Variants in BICC1 observed in about 807,000 individuals in gnomAD.
BICC1 encodes protein bicaudal C homolog 1.
A neutral mutation model predicts 111.0 loss-of-function variants in BICC1; 43 were observed. The ratio of observed to expected loss-of-function variants is 0.39; its 90% CI spans 0.30 to 0.50. The LOEUF is 0.50. Among genes scored for constraint, BICC1 ranks in the 20% least tolerant of loss-of-function variants. BICC1 has a pLI of 0.88. For synonymous variants in BICC1, 467 were observed against 434.4 expected (o/e 1.07, Z -0.93); for missense variants, 1,091 against 1,203.2 (o/e 0.91, Z 1.38).
Position 58,816,153 on chromosome 10 carries a change from A to C in BICC1, c.2534-1409A>C, listed in dbSNP as rs903798668. Among the ~76,000 whole-genome samples the C allele has an allele frequency of 7.0e-4, 106 of 152,166 alleles. 2 individuals carry two copies. The highest frequency in any genetic ancestry group is 1.6e-4 in the Non-Finnish European group (11 of 68,024). On this transcript the variant is annotated intron_variant, in intron 18 of 20. Transcript: ENST00000373886. ...AAATCTATCATTTGGACCATAAATTATATGGGCAGCCTTTCAGCCACTTTG... is the reference window on the plus strand; with the variant it reads ...AAATCTATCATTTGGACCATAAATTCTATGGGCAGCCTTTCAGCCACTTTG...
chr10:58,513,401 C>T, intron 1 of BICC1, 68 bp downstream of exon 1: 11 of 1,378,860 alleles, frequency 8.0e-6, no homozygotes, highest in Non-Finnish European at 9.6e-6. Flanking sequence ...ATCCCCACCG[C>T]GCGCTCCGGC....
At position 58,777,838 on chromosome 10, in the gene BICC1, A is replaced by G. The variant is rs556289754; in HGVS notation, c.308-7163A>G. Among the ~76,000 whole-genome samples the G allele has an allele frequency of 2.0e-5, 3 of 152,306 alleles. No individual in the cohort carries two copies. The East Asian group carries it at 5.8e-4, about 29-fold the overall frequency. On this transcript the variant is annotated intron_variant, in intron 3 of 20. Transcript: ENST00000373886. ...AATCTCATGAAAATTAGGTTTTTGA[A>G]TTTAAAATACATTTGTTTTTGCACT...
At chr10:58,579,580 T>G (rs547162970) in intron 1 of BICC1, among the ~76,000 whole-genome samples, 5 of 152,184 alleles carry the variant, frequency 3.3e-5, no homozygotes, top group African/African-American at 1.2e-4. Flanking sequence ...GCAGAGAAAT[T>G]TGGGGCTCTC....
intron 1 of BICC1, among the ~76,000 whole-genome samples, chr10:58,557,278 T>C (rs1214773883): frequency 6.6e-6 from 1 of 152,006 alleles, no homozygotes; most frequent in Non-Finnish European, 1.5e-5. Flanking sequence ...GTATTTTTTT[T>C]CTCTAGCTGT....
intron 3 of BICC1, among the ~76,000 whole-genome samples, chr10:58,752,751 C>T (rs1480906954): frequency 6.6e-6 from 1 of 152,164 alleles, no homozygotes; most frequent in Non-Finnish European, 1.5e-5. Context: ...TTTGGGTATA[C>T]AGCATTTACT....
At chr10:58,754,072 A>C (rs910008791) in intron 3 of BICC1, among the ~76,000 whole-genome samples, 1 of 152,186 alleles carries the variant, frequency 6.6e-6, no homozygotes, top group African/African-American at 2.4e-5. Flanking sequence ...CAGCCTAAAA[A>C]CAGCATACTG....
intron 1 of BICC1, among the ~76,000 whole-genome samples, chr10:58,610,602 A>ATC (rs1384783908): frequency 6.7e-6 from 1 of 148,652 alleles, no homozygotes; most frequent in Non-Finnish European, 1.5e-5. Flanking sequence ...GCCATGGATA[A>ATC]TCTATCTAGC....
chr10:58,777,584 A>G (rs1224103048), intron 3 of BICC1, among the ~76,000 whole-genome samples: 1 of 152,130 alleles, frequency 6.6e-6, no homozygotes, highest in African/African-American at 2.4e-5. Context: ...TACTGTAGCG[A>G]TGAGGGCACC....
chr10:58,813,817 T>G lies in BICC1; in HGVS notation c.2377-13T>G, dbSNP rs1386946121. ...GATTAAATATTTCCTTATCTGGCTT[T>G]GTCTGTTTACAGGGCTCATCCATGT... is the stretch of plus-strand genomic sequence containing the variant. On this transcript the variant is annotated splice_polypyrimidine_tract_variant and intron_variant, in intron 17 of 20. Transcript: ENST00000373886. The G allele has an allele frequency of 1.4e-5, 22 of 1,611,410 alleles. No individual in the cohort carries two copies. In the East Asian group the frequency reaches 4.5e-4, roughly 33 times the overall value.
At chr10:58,573,125 C>T (rs989452646) in intron 1 of BICC1, among the ~76,000 whole-genome samples, 7 of 152,104 alleles carry the variant, frequency 4.6e-5, no homozygotes, top group African/African-American at 1.7e-4. Flanking sequence ...TTGGCTCTCT[C>T]CCATTCTGCC....
At chr10:58,688,528 G>A (rs1238966273) in intron 2 of BICC1, among the ~76,000 whole-genome samples, 2 of 152,088 alleles carry the variant, frequency 1.3e-5, no homozygotes, top group Non-Finnish European at 1.5e-5. Flanking sequence ...TCTCATTACT[G>A]GGTATATACC....
At position 58,686,224 on chromosome 10, in the gene BICC1, C is replaced by T. The variant is rs189319425; in HGVS notation, c.238-15850C>T. ...CTATTCTGGCTTGTAGAGTTTCTGCCGAGAGATCTGCTGTTAGTCTGATGG... is the reference window on the plus strand; with the variant it reads ...CTATTCTGGCTTGTAGAGTTTCTGCTGAGAGATCTGCTGTTAGTCTGATGG... On this transcript the variant is annotated intron_variant, in intron 2 of 20. Transcript: ENST00000373886. Among the ~76,000 whole-genome samples, 1,312 of 152,258 alleles carry T rather than the reference C, an allele frequency of 8.6e-3. 17 individuals carry two copies. Among genetic ancestry groups the T allele is most frequent in the African/African-American group, 0.03 (1,250 of 41,536 alleles).
rs760706852 is a variant in BICC1, at chr10:58,799,040, T to A, written c.1529-16T>A. 4.6e-6 allele frequency: 7 copies of A among 1,516,346 alleles called. No individual in the cohort carries two copies. Among genetic ancestry groups the A allele is most frequent in the Middle Eastern group, 3.5e-4 (2 of 5,724 alleles). 93.9% of individuals were successfully genotyped at this position (1,516,346 alleles called of 1,614,324 possible). ...AGTTTCTTCCTAATATCTGTCATCATAAAATGTTGTTGTAGGTTTTTCTGC... is the reference window on the plus strand; with the variant it reads ...AGTTTCTTCCTAATATCTGTCATCAAAAAATGTTGTTGTAGGTTTTTCTGC... On this transcript the variant is annotated splice_polypyrimidine_tract_variant and intron_variant, in intron 11 of 20. Transcript: ENST00000373886.
chr10:58,557,760 C>T (rs1293996037), intron 1 of BICC1, among the ~76,000 whole-genome samples: 1 of 151,960 alleles, frequency 6.6e-6, no homozygotes, highest in Non-Finnish European at 1.5e-5. Context: ...TTTAAATACA[C>T]AGTAACCTTT....
chr10:58,795,545 A>G (rs559035922), intron 9 of BICC1, among the ~76,000 whole-genome samples: 1 of 152,318 alleles, frequency 6.6e-6, no homozygotes, highest in African/African-American at 2.4e-5. Context: ...AGGGAAAAAT[A>G]GATTGTAAAT....
At chr10:58,699,516 T>G (rs2132441311) in intron 2 of BICC1, among the ~76,000 whole-genome samples, 1 of 152,360 alleles carries the variant, frequency 6.6e-6, no homozygotes, top group East Asian at 1.9e-4. Context: ...AAGTTAGGTC[T>G]TCTACACATA....
At chr10:58,693,823 C>A (rs939186424) in intron 2 of BICC1, among the ~76,000 whole-genome samples, 6 of 152,126 alleles carry the variant, frequency 3.9e-5, no homozygotes, top group Non-Finnish European at 7.3e-5. Flanking sequence ...CCTGTTCACT[C>A]TGATGGTAGT....
chr10:58,591,950 T>G (rs7079155), intron 1 of BICC1, among the ~76,000 whole-genome samples: 72 of 152,126 alleles, frequency 4.7e-4, no homozygotes, highest in Non-Finnish European at 1.5e-4. Flanking sequence ...TCAAGTGGTG[T>G]TGTTTATTGT....
At chr10:58,724,964 C>T (rs1325147192) in intron 3 of BICC1, among the ~76,000 whole-genome samples, 1 of 152,130 alleles carries the variant, frequency 6.6e-6, no homozygotes, top group East Asian at 1.9e-4. Flanking sequence ...AGCCCAGTGT[C>T]TCATTTGAGG....
Sources: allele counts gnomAD v4.1 joint callset (sites outside exome capture counted in the v4.1 genomes callset), GRCh38; gene constraint gnomAD v4.1.1; transcripts MANE v1.5; gene names NCBI Gene and HGNC (gene_info 2026-07-23, HGNC 2026-07-21).